The following ARFGAP1 variants were observed in gnomAD, a reference collection of about 807,000 sequenced individuals.
ARFGAP1 encodes the protein ARF GTPase activating protein 1, also known as ADP-ribosylation factor GTPase-activating protein 1.
ARFGAP1 carries 26 observed loss-of-function variants against 54.0 expected under a neutral mutation model. That is an observed-to-expected ratio of 0.48 (90% CI 0.35 to 0.67). The LOEUF is 0.67. ARFGAP1 is among the 30% of genes least tolerant of loss of function. The pLI is 0.00. For missense variants in ARFGAP1, 525 were observed against 535.8 expected (o/e 0.98, Z 0.20); for synonymous variants, 248 against 211.9 (o/e 1.17, Z -1.48).
chr20:63,279,318 G>C, intron 7 of ARFGAP1: 1 of 441,940 alleles, frequency 2.3e-6, no homozygotes, highest in South Asian at 1.8e-5. Context: ...TGATTCTCCT[G>C]CCTCAGCCTC....
chr20:63,283,578 T>G, intron 9 of ARFGAP1: 4 of 469,680 alleles, frequency 8.5e-6, no homozygotes, highest in South Asian at 3.6e-5. Context: ...TCTGAGGGAG[T>G]CTCCCCACGT....
At chr20:63,284,815 G>C (rs374191388) in intron 9 of ARFGAP1, 51 bp from the exon 10 acceptor site, 5 of 1,606,838 alleles carry the variant, frequency 3.1e-6, no homozygotes, top group Non-Finnish European at 2.5e-6. Flanking sequence ...CTGCCGACCC[G>C]TGTCCCGTGG....
At chr20:63,285,925 C>G in intron 11 of ARFGAP1, 4 of 1,478,174 alleles carry the variant, frequency 2.7e-6, no homozygotes, top group Non-Finnish European at 3.6e-6. Flanking sequence ...CACTAACTGT[C>G]ACTTCTCCCT....
rs2067616750 is a variant in ARFGAP1, at chr20:63,288,194, C to T, written c.*321C>T. The T allele has an allele frequency of 3.5e-6, 2 of 567,188 alleles. No individual in the cohort carries two copies. The highest frequency in any genetic ancestry group is 6.6e-6 in the Non-Finnish European group (2 of 302,232). The allele number at this position is 567,188 out of a possible 1,614,324, so 35.1% of individuals were successfully genotyped here. ...CAGCACAGAGGCCTGTGACTGCGTT[C>T]CAGCGGCCAGTTCACTACGCAGTAT... On this transcript the variant is annotated 3_prime_UTR_variant, in exon 13 of 13. Coordinates refer to ENST00000370283, the MANE Select transcript of ARFGAP1 (RefSeq NM_018209.4).
intron 4 of ARFGAP1, 105 bp from the exon 5 acceptor site, chr20:63,277,100 G>A (rs947738676): frequency 2.2e-6 from 2 of 918,690 alleles, no homozygotes; most frequent in Non-Finnish European, 3.3e-6. Flanking sequence ...GGCTGCGGGT[G>A]GTGGGTGCTC....
At chr20:63,282,970 G>A in intron 9 of ARFGAP1, 119 bp downstream of exon 9, 1 of 1,131,138 alleles carries the variant, frequency 8.8e-7, no homozygotes, top group Non-Finnish European at 1.3e-6. Context: ...CAGAGCTGAG[G>A]GGTCCCAGCG....
In ARFGAP1 at chr20:63,284,708, T is replaced by A. The variant is rs920207727; in HGVS notation, c.718-158T>A. The A allele has an allele frequency of 1.1e-5, 16 of 1,465,878 alleles. No homozygotes were observed. In the Admixed American group the frequency reaches 1.5e-4, roughly 14 times the overall value. 90.8% of individuals were successfully genotyped at this position (1,465,878 alleles called of 1,614,324 possible). The stretch of plus-strand genomic sequence containing the variant: ...GCGGCCTACTGCCCTTCGGGTGTTG[T>A]GTGCAAAGCCCCGTTTCCTGCTCCC... On this transcript the variant is annotated intron_variant, in intron 9 of 12. Coordinates refer to ENST00000370283, the MANE Select transcript of ARFGAP1 (RefSeq NM_018209.4).
intron 7 of ARFGAP1, chr20:63,279,248 C>T (rs1369078781): frequency 7.0e-6 from 4 of 573,458 alleles, no homozygotes; most frequent in Middle Eastern, 9.2e-4. Flanking sequence ...GCCCAGGCTG[C>T]AGACTGGAGG....
At chr20:63,279,911 G>A (rs982995524) in intron 7 of ARFGAP1, among the ~76,000 whole-genome samples, 1 of 152,212 alleles carries the variant, frequency 6.6e-6, no homozygotes, top group Non-Finnish European at 1.5e-5. Flanking sequence ...GGCCAAGGCG[G>A]GCGGATCACC....
rs1157019308 is a variant in ARFGAP1 at position 63,288,708 on chromosome 20, C to T, written c.*835C>T. 2 of 357,134 alleles carry T rather than the reference C, an allele frequency of 5.6e-6. No homozygotes were observed. Among genetic ancestry groups the T allele is most frequent in the Non-Finnish European group, 1.1e-5 (2 of 179,336 alleles). The allele number at this position is 357,134 out of a possible 1,614,324, so 22.1% of individuals were successfully genotyped here. A position where few individuals can be genotyped will look rare whatever the true frequency, so the allele number is the denominator to read the frequency against. The stretch of plus-strand genomic sequence containing the variant: ...GAGCAGGGGATGCCTGTGCGTGGTG[C>T]CTGGGTCTAGGGAAGCTCCAGCCCC... On this transcript the variant is annotated 3_prime_UTR_variant, in exon 13 of 13. Transcript: ENST00000370283.
chr20:63,276,598 T>A lies in ARFGAP1; in HGVS notation c.289T>A (p.Trp97Arg). The change falls in exon 4 of 13, where the codon TGG (tryptophan) becomes AGG (arginine). Residue 97 changes from tryptophan (W) to arginine (R), a missense_variant. Around this residue, in one of 3 missense-constraint regions of ARFGAP1, gnomAD observed 466 missense variants for 453.6 expected, o/e 1.03. Coordinates refer to ENST00000370283, the MANE Select transcript of ARFGAP1 (RefSeq NM_018209.4). This position sits in a 1 kb window ranked among gnomAD's most constrained non-coding sequence, Gnocchi z 5.2. ...LESQEDYDPC[W>R]SLQEKYNSRA... The stretch of plus-strand genomic sequence containing the variant: ...GTCTCAGGAGGATTACGATCCTTGC[T>A]GGTCCTTGCAGGAGAAGTACAACAG... 3 of 1,614,004 alleles carry A rather than the reference T, an allele frequency of 1.9e-6. No individual in the cohort carries two copies. Among genetic ancestry groups the A allele is most frequent in the Non-Finnish European group, 2.5e-6 (3 of 1,179,976 alleles).
chr20:63,273,618 A>T (rs771583514), intron 1 of ARFGAP1: 5 of 152,188 alleles, frequency 3.3e-5, no homozygotes, highest in Non-Finnish European at 5.9e-5. Context: ...ATCCAAGCCA[A>T]GTCCTTTCCT....
At chr20:63,283,929 T>C (rs777143345) in intron 9 of ARFGAP1, 22 of 1,610,048 alleles carry the variant, frequency 1.4e-5, no homozygotes, top group Non-Finnish European at 1.8e-5. Flanking sequence ...CCGCCGAGAA[T>C]GTGCTTGGCT....
chr20:63,283,665 C>T (rs749928534), intron 9 of ARFGAP1: 23 of 589,448 alleles, frequency 3.9e-5, no homozygotes, highest in Non-Finnish European at 6.1e-5. Flanking sequence ...GTCGCTCGCG[C>T]AGTTTCTGAA....
At chr20:63,279,444 G>T in intron 7 of ARFGAP1, 1 of 335,372 alleles carries the variant, frequency 3.0e-6, no homozygotes, top group Non-Finnish European at 5.8e-6. Flanking sequence ...GACTTCAGGT[G>T]ATCTGTCCGC....
intron 9 of ARFGAP1, chr20:63,284,368 C>T (rs111605167): frequency 1.9e-4 from 205 of 1,060,258 alleles, no homozygotes; most frequent in African/African-American, 4.5e-4. Flanking sequence ...CCCAGGTGGC[C>T]GTGTGGCCTC....
Position 63,289,119 on chromosome 20 carries a change from C to T in ARFGAP1, c.*1246C>T, listed in dbSNP as rs2067645581. On this transcript the variant is annotated 3_prime_UTR_variant, in exon 13 of 13. Transcript: ENST00000370283. ...CCCGGTCCTCCCTGTGGGCACCAGCCCTCTTGGTAGCTGGTGTGGAGGGCC... is the reference window on the plus strand; with the variant it reads ...CCCGGTCCTCCCTGTGGGCACCAGCTCTCTTGGTAGCTGGTGTGGAGGGCC... 6.5e-6 allele frequency: 1 copy of T among 154,402 alleles called. No individual in the cohort carries two copies. The highest frequency in any genetic ancestry group is 2.4e-5 in the African/African-American group (1 of 41,476). 9.6% of individuals were successfully genotyped at this position (154,402 alleles called of 1,614,324 possible).
chr20:63,285,768 G>A (rs1043984424), intron 11 of ARFGAP1, 55 bp downstream of exon 11: 33 of 1,594,248 alleles, frequency 2.1e-5, no homozygotes, highest in East Asian at 8.9e-5. Context: ...CATATTCCAC[G>A]GCCCTGGGCG....
In ARFGAP1 at chr20:63,283,923, C is replaced by T. The variant is rs149990595; in HGVS notation, c.718-943C>T. On this transcript the variant is annotated intron_variant, in intron 9 of 12. Transcript: ENST00000370283. ...TCGTGCATGCCGCCCGCATCTCCGC[C>T]GAGAATGTGCTTGGCTTCCTCTGTC... The T allele has an allele frequency of 4.0e-4, 640 of 1,610,664 alleles. 1 individual carries two copies. The highest frequency in any genetic ancestry group is 6.9e-4 in the Admixed American group (41 of 59,606).
Sources: allele counts gnomAD v4.1 joint callset (sites outside exome capture counted in the v4.1 genomes callset), GRCh38; gene constraint gnomAD v4.1.1; regional missense constraint gnomAD v4.1.1; non-coding constraint Gnocchi (gnomAD v3.1); transcripts MANE v1.5; gene names NCBI Gene and HGNC (gene_info 2026-07-23, HGNC 2026-07-21).